The following KCTD8 variants were observed in gnomAD, a reference collection of about 807,000 sequenced individuals.
KCTD8 encodes the protein BTB/POZ domain-containing protein KCTD8.
Under a neutral mutation model 31.5 loss-of-function variants are expected in KCTD8, and 27 were observed. The observed-to-expected ratio is 0.86, with a 90% confidence interval of 0.63 to 1.18. The LOEUF is 1.18. Among genes scored for constraint, KCTD8 ranks in the 50% most tolerant of loss-of-function variants. The probability of loss-of-function intolerance (pLI) is 0.00; values close to 1 mark genes in which losing one functional copy is unlikely to be tolerated. For synonymous variants in KCTD8, 290 were observed against 280.0 expected, an observed-to-expected ratio of 1.04 and a Z score of -0.36; for missense variants, 658 against 647.7, an observed-to-expected ratio of 1.02 and a Z score of -0.17.
At chr4:44,439,574 A>T (rs1385361486) in intron 1 of KCTD8, among the ~76,000 whole-genome samples, 2 of 152,176 alleles carry the variant, frequency 1.3e-5, no homozygotes, top group Non-Finnish European at 2.9e-5. Context: ...AGTAAAACCA[A>T]TATTGTAATA....
At chr4:44,266,386 G>A (rs1337691710) in intron 1 of KCTD8, among the ~76,000 whole-genome samples, 1 of 152,160 alleles carries the variant, frequency 6.6e-6, no homozygotes, top group East Asian at 1.9e-4. Flanking sequence ...AAGAGCTCCT[G>A]AAGGAAGCAG....
Position 44,336,624 on chromosome 4 carries a change from C to G in KCTD8, c.961+110939G>C, listed in dbSNP as rs74925068. Among the ~76,000 whole-genome samples the G allele has an allele frequency of 7.9e-3, 1,195 of 151,892 alleles. 15 individuals carry two copies. The highest frequency in any genetic ancestry group is 0.027 in the African/African-American group (1,114 of 41,456). On this transcript the variant is annotated intron_variant, in intron 1 of 1. Transcript: ENST00000360029. ...AGCATGACTATTTGCAAATCATAAA[C>G]TGAAAAACAAAAAATAAGAAAATCT... is the stretch of plus-strand genomic sequence containing the variant.
intron 1 of KCTD8, among the ~76,000 whole-genome samples, chr4:44,299,836 T>C (rs1717554917): frequency 6.9e-6 from 1 of 144,644 alleles, no homozygotes; most frequent in African/African-American, 2.5e-5. Flanking sequence ...CACTGCAACC[T>C]CCGTCTCCTG....
chr4:44,306,459 T>G (rs1347223541), intron 1 of KCTD8, among the ~76,000 whole-genome samples: 1 of 152,050 alleles, frequency 6.6e-6, no homozygotes, highest in Non-Finnish European at 1.5e-5. Flanking sequence ...TTTAAACATC[T>G]TCACATTTCT....
intron 1 of KCTD8, among the ~76,000 whole-genome samples, chr4:44,395,530 G>A (rs1010135607): frequency 2.0e-5 from 3 of 152,010 alleles, no homozygotes; most frequent in African/African-American, 7.2e-5. Flanking sequence ...CATAAAAATG[G>A]ATGGCACAGT....
At chr4:44,321,849 T>C (rs182001551) in intron 1 of KCTD8, among the ~76,000 whole-genome samples, 2 of 150,934 alleles carry the variant, frequency 1.3e-5, no homozygotes, top group African/African-American at 2.5e-5. Context: ...TGAGAACATG[T>C]AATATTTGTC....
intron 1 of KCTD8, among the ~76,000 whole-genome samples, chr4:44,344,350 A>G (rs1231507802): frequency 1.3e-5 from 2 of 151,960 alleles, no homozygotes; most frequent in African/African-American, 4.8e-5. Flanking sequence ...ACACTGGGCT[A>G]ATGTTTTCAT....
At chr4:44,213,379 T>C (rs893553385) in intron 1 of KCTD8, among the ~76,000 whole-genome samples, 2 of 152,240 alleles carry the variant, frequency 1.3e-5, no homozygotes, top group African/African-American at 2.4e-5. Flanking sequence ...TATTTAGATA[T>C]TAGGAAAGGT....
At chr4:44,415,041 G>C (rs1270947826) in intron 1 of KCTD8, among the ~76,000 whole-genome samples, 1 of 152,202 alleles carries the variant, frequency 6.6e-6, no homozygotes, top group Admixed American at 6.5e-5. Context: ...ACAAAGGACA[G>C]GCTGATGGAG....
chr4:44,388,218 G>A (rs1720274034), intron 1 of KCTD8, among the ~76,000 whole-genome samples: 1 of 151,874 alleles, frequency 6.6e-6, no homozygotes, highest in East Asian at 1.9e-4. Flanking sequence ...AGATGCTAGT[G>A]AGACTGTGGA....
In KCTD8 at chr4:44,306,338, T is replaced by C. The variant is rs191324964; in HGVS notation, c.962-131088A>G. On this transcript the variant is annotated intron_variant, in intron 1 of 1. Transcript: ENST00000360029. ...TATTTCTAGATTGGTCAAGTATAAT[T>C]ATATCCTCACTTCATGTTAAATGAC... Among the ~76,000 whole-genome samples, 163 of 152,134 alleles carry C rather than the reference T, an allele frequency of 1.1e-3. 2 individuals carry two copies. Among genetic ancestry groups the C allele is most frequent in the African/African-American group, 3.9e-3 (160 of 41,526 alleles).
At position 44,443,559 on chromosome 4, in the gene KCTD8, G is replaced by A. The variant is rs180989439; in HGVS notation, c.961+4004C>T. Among the ~76,000 whole-genome samples, 137 of 152,266 alleles carry A rather than the reference G, an allele frequency of 9.0e-4. 1 individual carries two copies. The highest frequency in any genetic ancestry group is 3.0e-3 in the African/African-American group (125 of 41,572). ...CATTTCCCAGCCCAGTTCAGTAACA[G>A]CATTAATTCCTAGATCTGGCATTTT... On this transcript the variant is annotated intron_variant, in intron 1 of 1. Transcript: ENST00000360029.
intron 1 of KCTD8, among the ~76,000 whole-genome samples, chr4:44,404,306 G>A (rs1720734628): frequency 1.3e-5 from 2 of 152,100 alleles, no homozygotes. Context: ...TTAAAGTCCA[G>A]ACATTAAATT....
chr4:44,346,202 C>T (rs565608055), intron 1 of KCTD8, among the ~76,000 whole-genome samples: 1 of 152,204 alleles, frequency 6.6e-6, no homozygotes, highest in African/African-American at 2.4e-5. Context: ...ATTTCTATAT[C>T]TCGAAGGCTC....
chr4:44,281,119 G>T (rs1716893039), intron 1 of KCTD8, among the ~76,000 whole-genome samples: 2 of 79,314 alleles, frequency 2.5e-5, no homozygotes, highest in Non-Finnish European at 5.3e-5. Context: ...ATCAAGGCTG[G>T]TGAGGATTAG....
At chr4:44,417,367 C>T (rs1721100437) in intron 1 of KCTD8, among the ~76,000 whole-genome samples, 1 of 152,032 alleles carries the variant, frequency 6.6e-6, no homozygotes, top group Admixed American at 6.5e-5. Context: ...ATACTACTCG[C>T]TAGGAGACCA....
chr4:44,240,071 G>C (rs906905032), intron 1 of KCTD8, among the ~76,000 whole-genome samples: 1 of 152,060 alleles, frequency 6.6e-6, no homozygotes, highest in African/African-American at 2.4e-5. Flanking sequence ...GTCATTTATC[G>C]GGACCCACTG....
At chr4:44,176,608 T>G (rs1411908034) in intron 1 of KCTD8, among the ~76,000 whole-genome samples, 2 of 152,196 alleles carry the variant, frequency 1.3e-5, no homozygotes, top group Non-Finnish European at 2.9e-5. Flanking sequence ...TATTCAAAAA[T>G]TAGAAGAAAC....
intron 1 of KCTD8, among the ~76,000 whole-genome samples, chr4:44,216,864 A>C (rs1714664461): frequency 6.6e-6 from 1 of 152,204 alleles, no homozygotes; most frequent in Non-Finnish European, 1.5e-5. Context: ...TTAAGCATGC[A>C]CAAGTGACTC....
Sources: allele counts gnomAD v4.1 joint callset (sites outside exome capture counted in the v4.1 genomes callset), GRCh38; gene constraint gnomAD v4.1.1; transcripts MANE v1.5; gene names NCBI Gene and HGNC (gene_info 2026-07-23, HGNC 2026-07-21).